CENPE: variants seen among roughly 807,000 people sequenced by gnomAD.
CENPE encodes centromere-associated protein E.
In CENPE, 145 loss-of-function variants were observed where a neutral mutation model predicts 336.1. That is an observed-to-expected ratio of 0.43 (90% CI 0.38 to 0.50). CENPE has a LOEUF of 0.50. Ranked by LOEUF, CENPE falls within the 20% of genes least tolerant of loss-of-function variation. CENPE has a pLI of 0.00. For missense variants in CENPE, 2,719 were observed against 3,023.3 expected (o/e 0.90, Z 2.36); for synonymous variants, 1,013 against 984.8 (o/e 1.03, Z -0.54).
At chr4:103,163,324 C>T (rs1754616063) in intron 17 of CENPE, 68 bp from the exon 18 acceptor site, 1 of 1,389,682 alleles carries the variant, frequency 7.2e-7, no homozygotes. Flanking sequence ...TAAAACAGAA[C>T]TTATATATAT....
At chr4:103,195,302 C>T in intron 4 of CENPE, 69 bp from the exon 5 acceptor site, 3 of 1,388,900 alleles carry the variant, frequency 2.2e-6, no homozygotes, top group African/African-American at 1.5e-5. Context: ...GCTAAATGCT[C>T]ATGTGCTTAA....
At chr4:103,198,010 C>T (rs2126066193) in intron 1 of CENPE, among the ~76,000 whole-genome samples, 1 of 152,354 alleles carries the variant, frequency 6.6e-6, no homozygotes, top group African/African-American at 2.4e-5. Context: ...CAAGGCAGAG[C>T]AGCACAGAAG....
chr4:103,173,784 A>T (rs1320984984), intron 16 of CENPE, among the ~76,000 whole-genome samples: 1 of 151,952 alleles, frequency 6.6e-6, no homozygotes, highest in Non-Finnish European at 1.5e-5. Context: ...CAATATTACT[A>T]ATAATCAAGG....
At chr4:103,145,443 C>A (rs1032294231) in intron 31 of CENPE, 80 bp downstream of exon 31, 15 of 1,413,688 alleles carry the variant, frequency 1.1e-5, no homozygotes, top group Non-Finnish European at 1.5e-5. Context: ...ATTAAGCATG[C>A]CAAATAGTAG....
chr4:103,121,912 C>T (rs897664041), intron 43 of CENPE, among the ~76,000 whole-genome samples: 2 of 151,988 alleles, frequency 1.3e-5, no homozygotes, highest in Non-Finnish European at 2.9e-5. Context: ...TACACCTGTA[C>T]TAAATTCTCA....
Position 103,140,987 on chromosome 4 carries a change from A to G in CENPE, c.5581T>C (p.Leu1861=). 1 of 1,611,934 alleles carries G rather than the reference A, an allele frequency of 6.2e-7. No homozygotes were observed. The highest frequency in any genetic ancestry group is 8.5e-7 in the Non-Finnish European group (1 of 1,178,514). Residue 1861 remains leucine (L), a synonymous_variant, in exon 36 of 49, where the codon TTA becomes CTA. Transcript: ENST00000265148. The part of the protein sequence containing the change: ...QLKKQIKDQS[L]TLSKLEIENL... The stretch of plus-strand genomic sequence containing the variant: ...TCTATTTCTAATTTACTCAGAGTTA[A>G]GCTTTGGTCTTTTATTTGTTTCTTT...
chr4:103,126,347 G>A (rs2623060), intron 42 of CENPE, among the ~76,000 whole-genome samples: 67,652 of 151,782 alleles, frequency 0.45, 15,676 homozygotes, highest in African/African-American at 0.59. Flanking sequence ...CTGGGGTTTT[G>A]TCAGGGCCTA....
At chr4:103,156,497 A>C (rs1409949848) in intron 24 of CENPE, among the ~76,000 whole-genome samples, 1 of 152,176 alleles carries the variant, frequency 6.6e-6, no homozygotes, top group Admixed American at 6.5e-5. Flanking sequence ...TGATCTTTTC[A>C]AAAAATGGTG....
At chr4:103,196,657 T>C in intron 2 of CENPE, 102 bp downstream of exon 2, 3 of 645,350 alleles carry the variant, frequency 4.6e-6, no homozygotes, top group Non-Finnish European at 8.2e-6. Flanking sequence ...ATAGAAGGCT[T>C]AGTCTAATCT....
In CENPE at chr4:103,109,034, T is replaced by G. The variant is rs748649136; in HGVS notation, c.7780A>C (p.Arg2594=). 6.2e-7 allele frequency: 1 copy of G among 1,613,566 alleles called. No individual in the cohort carries two copies. The highest frequency in any genetic ancestry group is 1.3e-5 in the African/African-American group (1 of 74,880). ...CAAGTTACTTGTTTGTGAGCCTCTC[T>G]TTTAAGGGTTCTTTCCTTCCAAGTT... ...VKTWKERTLK[R]EAHKQVTCEN... The change falls in exon 48 of 49, where the codon AGA becomes CGA. Residue 2594 remains arginine (R), a synonymous_variant. Transcript: ENST00000265148.
chr4:103,161,404 A>G lies in CENPE; in HGVS notation c.1896T>C (p.Thr632=), dbSNP rs1169420886. ...QMKQTLFDAE[T]VALDAKRESA... ...ATTCTCTCTTGGCATCAAGGGCTACAGTTTCAGCATCAAACAGAGTCTGCT... is the reference window on the plus strand; with the variant it reads ...ATTCTCTCTTGGCATCAAGGGCTACGGTTTCAGCATCAAACAGAGTCTGCT... Residue 632 remains threonine (T), a synonymous_variant, in exon 19 of 49, where the codon ACT becomes ACC. Coordinates refer to ENST00000265148, the MANE Select transcript of CENPE (RefSeq NM_001813.3). 1.9e-6 allele frequency: 3 copies of G among 1,612,752 alleles called. No homozygotes were observed. The highest frequency in any genetic ancestry group is 1.7e-5 in the Admixed American group (1 of 59,866).
At chr4:103,189,818 A>G (rs553843900) in intron 8 of CENPE, among the ~76,000 whole-genome samples, 2 of 152,326 alleles carry the variant, frequency 1.3e-5, no homozygotes, top group Admixed American at 6.5e-5. Flanking sequence ...GAGGAAATAA[A>G]GGGTATTCAA....
At chr4:103,138,269 T>C in intron 39 of CENPE, 82 bp downstream of exon 39, 1 of 870,706 alleles carries the variant, frequency 1.1e-6, no homozygotes, top group Non-Finnish European at 2.0e-6. Flanking sequence ...ATTCCAGAGG[T>C]TCCTTCAATC....
intron 24 of CENPE, 128 bp from the exon 25 acceptor site, chr4:103,153,378 G>T: frequency 1.6e-6 from 1 of 631,220 alleles, no homozygotes; most frequent in Non-Finnish European, 2.7e-6. Flanking sequence ...ATTTAATCTT[G>T]ACAGTAACTT....
At position 103,145,632 on chromosome 4, in the gene CENPE, T is replaced by A; in HGVS notation, c.4463A>T (p.Glu1488Val). 1.2e-6 allele frequency: 2 copies of A among 1,608,454 alleles called. No homozygotes were observed. Among genetic ancestry groups the A allele is most frequent in the Non-Finnish European group, 1.7e-6 (2 of 1,178,500 alleles). Residue 1488 changes from glutamate (E) to valine (V), a missense_variant, in exon 31 of 49, where the codon GAA (glutamate) becomes GTA (valine). Glu to Val is a moderately radical substitution (Grantham distance 121, BLOSUM62 -2). Around this residue, in one of 5 missense-constraint regions of CENPE, gnomAD observed 2,437 missense variants for 2,513.3 expected, o/e 0.97. Coordinates refer to ENST00000265148, the MANE Select transcript of CENPE (RefSeq NM_001813.3). ...TAACTCATTAATAGTTTCCTCTTGT[T>A]CTTTCAGGCAACAATGAGCAACTTT... ...ELKVAHCCLK[E>V]QEETINELRV...
Position 103,195,827 on chromosome 4 carries a change from C to T in CENPE, c.357+93G>A, listed in dbSNP as rs192623712. ...TCAAACAATAACTGTAAATCTACTT[C>T]CTTTCATCTTTACAAGAGAAATACA... On this transcript the variant is annotated intron_variant, in intron 4 of 48. Coordinates refer to ENST00000265148, the MANE Select transcript of CENPE (RefSeq NM_001813.3). 8,558 of 793,538 alleles carry T rather than the reference C, an allele frequency of 0.011. 46 individuals are homozygous for T. The highest frequency in any genetic ancestry group is 0.017 in the Middle Eastern group (46 of 2,762). The allele number at this position is 793,538 out of a possible 1,614,324, so 49.2% of individuals were successfully genotyped here. A position where few individuals can be genotyped will look rare whatever the true frequency, so the allele number is the denominator to read the frequency against.
In CENPE at chr4:103,109,210, T is replaced by C. The variant is rs992555178; in HGVS notation, c.7725-121A>G. 5.1e-6 allele frequency: 4 copies of C among 790,662 alleles called. No homozygotes were observed. The African/African-American group carries it at 7.2e-5, about 14-fold the overall frequency. 49.0% of individuals were successfully genotyped at this position (790,662 alleles called of 1,614,324 possible). A position where few individuals can be genotyped will look rare whatever the true frequency, so the allele number is the denominator to read the frequency against. Reference sequence around the variant, plus strand: ...AAATATATATAACATAAAATGTACATTTTATCACATTTACATTTTAATTTC... The same window carrying C: ...AAATATATATAACATAAAATGTACACTTTATCACATTTACATTTTAATTTC... On this transcript the variant is annotated intron_variant, in intron 47 of 48. Transcript: ENST00000265148.
At position 103,182,796 on chromosome 4, in the gene CENPE, G is replaced by A; in HGVS notation, c.929C>T (p.Pro310Leu). 2.5e-6 allele frequency: 4 copies of A among 1,611,916 alleles called. No individual in the cohort carries two copies. Among genetic ancestry groups the A allele is most frequent in the Non-Finnish European group, 3.4e-6 (4 of 1,178,704 alleles). ...AGTAAGTGTTTCATCAAAAGATACT[G>A]GAGTAATTGTGCAGATAATACGTGT... ...AKTRIICTITPVSFDETLTAL... is the reference protein window; with the variant it reads ...AKTRIICTITLVSFDETLTAL... Residue 310 changes from proline (P) to leucine (L), a missense_variant, in exon 11 of 49, where the codon CCA becomes CTA. Pro to Leu is a moderately conservative substitution (Grantham distance 98). This residue lies in a region of CENPE where 117 missense variants were observed against 215.8 expected (regional missense o/e 0.54). Transcript: ENST00000265148.
In CENPE at chr4:103,161,164, C is replaced by A; in HGVS notation, c.2053G>T (p.Asp685Tyr). ...QLEAKKKMQV[D>Y]LEKELQSAFN... ...GCAGATTGTAATTCTTTCTCCAGAT[C>A]AACTTGCATTTTCTTTTTTGCCTCC... The change falls in exon 20 of 49, where the codon GAT becomes TAT. Residue 685 changes from aspartate to tyrosine, a missense_variant. Physicochemically the swap from Asp to Tyr is radical, Grantham distance 160 (BLOSUM62 -3). Coordinates refer to ENST00000265148, the MANE Select transcript of CENPE (RefSeq NM_001813.3). The A allele has an allele frequency of 1.9e-6, 3 of 1,612,402 alleles. No homozygotes were observed. The highest frequency in any genetic ancestry group is 1.7e-6 in the Non-Finnish European group (2 of 1,179,160).
Sources: gnomAD v4.1 joint callset for allele counts (sites outside exome capture counted in the v4.1 genomes callset) on GRCh38, gnomAD v4.1.1 for gene constraint, gnomAD v4.1.1 regional missense constraint, MANE v1.5 for transcripts, NCBI Gene and HGNC (gene_info 2026-07-23, HGNC 2026-07-21) for gene names.